The following MYPN variants were observed in gnomAD, a reference collection of about 807,000 sequenced individuals.
The protein encoded by MYPN is myopalladin.
In MYPN, 63 loss-of-function variants were observed where a neutral mutation model predicts 129.4. That is an observed-to-expected ratio of 0.49 (90% CI 0.40 to 0.60). MYPN has a LOEUF of 0.60. MYPN is among the 20% of genes least tolerant of loss of function. The pLI is 0.00. For synonymous variants in MYPN, 629 were observed against 600.9 expected (o/e 1.05, Z -0.68); for missense variants, 1,596 against 1,635.4 (o/e 0.98, Z 0.42).
Position 68,174,019 on chromosome 10 carries a change from A to G in MYPN, c.1974-47A>G, listed in dbSNP as rs779628819. 6 of 1,432,046 alleles carry G rather than the reference A, an allele frequency of 4.2e-6. No individual in the cohort carries two copies. In the East Asian group the frequency reaches 9.1e-5, roughly 22 times the overall value. The allele number at this position is 1,432,046 out of a possible 1,614,324, so 88.7% of individuals were successfully genotyped here. On this transcript the variant is annotated intron_variant, in intron 10 of 19. Transcript: ENST00000358913. ...GAACATTGTTTGAAAGGTGAGGCCA[A>G]TAATAACACATTTCCTTCTCTCTCT...
chr10:68,128,597 C>T (rs1382797858), intron 2 of MYPN, among the ~76,000 whole-genome samples: 1 of 152,144 alleles, frequency 6.6e-6, no homozygotes, highest in Non-Finnish European at 1.5e-5. Context: ...AGCCAAATTC[C>T]CTGCCTTCAT....
chr10:68,173,963 C>T (rs1454216022), intron 10 of MYPN, 103 bp from the exon 11 acceptor site: 28 of 987,002 alleles, frequency 2.8e-5, no homozygotes, highest in African/African-American at 4.8e-5. Flanking sequence ...CACCATGCCC[C>T]GCCTATCATC....
intron 2 of MYPN, among the ~76,000 whole-genome samples, chr10:68,127,296 T>G (rs2042340414): frequency 6.7e-6 from 1 of 148,172 alleles, no homozygotes; most frequent in Non-Finnish European, 1.5e-5. Context: ...TGAGCTACCA[T>G]GCCCAGCCTG....
chr10:68,100,027 C>T (rs945895123), intron 1 of MYPN, among the ~76,000 whole-genome samples: 1 of 152,138 alleles, frequency 6.6e-6, no homozygotes, highest in Non-Finnish European at 1.5e-5. Context: ...CTTCAGTTTC[C>T]TCCTCTATAA....
At chr10:68,171,505 T>C (rs2043144559) in intron 10 of MYPN, among the ~76,000 whole-genome samples, 1 of 152,214 alleles carries the variant, frequency 6.6e-6, no homozygotes, top group Admixed American at 6.5e-5. Flanking sequence ...ACCTGTGTTT[T>C]AACAGGCCCT....
chr10:68,198,246 T>C (rs775850118), intron 16 of MYPN, among the ~76,000 whole-genome samples: 1 of 152,194 alleles, frequency 6.6e-6, no homozygotes, highest in Non-Finnish European at 1.5e-5. Flanking sequence ...TTGAAGTGAA[T>C]TGTTGAATGT....
intron 10 of MYPN, among the ~76,000 whole-genome samples, chr10:68,173,552 GTTCT>G (rs1564679866): frequency 2.0e-5 from 3 of 151,892 alleles, no homozygotes; most frequent in Non-Finnish European, 2.9e-5. Flanking sequence ...CTGGTTGTGT[GTTCT>G]TTATCAACAT....
chr10:68,210,160 G>C, intron 19 of MYPN, 126 bp from the exon 20 acceptor site: 1 of 1,054,352 alleles, frequency 9.5e-7, no homozygotes, highest in Non-Finnish European at 1.4e-6. Flanking sequence ...TTCAGACCCA[G>C]GTATAGTTAT....
chr10:68,119,390 TTTA>T (rs1564645882), intron 1 of MYPN, among the ~76,000 whole-genome samples: 3 of 55,630 alleles, frequency 5.4e-5, no homozygotes, highest in African/African-American at 3.2e-4. Context: ...TTTTATTTTA[TTTA>T]TTTATTTATT....
At chr10:68,169,572 G>A (rs61192599) in intron 10 of MYPN, among the ~76,000 whole-genome samples, 9,497 of 152,000 alleles carry the variant, frequency 0.062, 1,016 homozygotes, top group African/African-American at 0.22. Context: ...GCTGTGATGT[G>A]GGTTCCATGG....
chr10:68,104,156 A>G (rs2041995848), upstream of MYPN, among the ~76,000 whole-genome samples: 2 of 152,200 alleles, frequency 1.3e-5, no homozygotes, highest in African/African-American at 4.8e-5. Flanking sequence ...CTTGTAAGAA[A>G]TGTTAGTTCC....
intron 3 of MYPN, among the ~76,000 whole-genome samples, chr10:68,144,701 G>A (rs1432431759): frequency 6.6e-6 from 1 of 151,960 alleles, no homozygotes; most frequent in Non-Finnish European, 1.5e-5. Flanking sequence ...AATGAAGTAT[G>A]ACTTGTTAAT....
chr10:68,167,677 A>T (rs978139540), intron 10 of MYPN, among the ~76,000 whole-genome samples: 2 of 152,358 alleles, frequency 1.3e-5, no homozygotes, highest in South Asian at 4.1e-4. Flanking sequence ...TCACCATGAG[A>T]TGTTCACTAG....
At chr10:68,140,628 G>C (rs1478735813) in intron 2 of MYPN, among the ~76,000 whole-genome samples, 3 of 152,028 alleles carry the variant, frequency 2.0e-5, no homozygotes, top group Non-Finnish European at 4.4e-5. Context: ...ATTTGTAGTA[G>C]CTGAAAGGCA....
chr10:68,199,475 G>C lies in MYPN; in HGVS notation c.3393G>C (p.Leu1131=). 1 of 1,614,156 alleles carries C rather than the reference G, an allele frequency of 6.2e-7. No homozygotes were observed. Among genetic ancestry groups the C allele is most frequent in the Non-Finnish European group, 8.5e-7 (1 of 1,180,026 alleles). Reference sequence around the variant, plus strand: ...TCAGGGAGACCGGAGTCCACTCTCTGCTCATTGACCCACTCACTCAGCGCG... The same window carrying C: ...TCAGGGAGACCGGAGTCCACTCTCTCCTCATTGACCCACTCACTCAGCGCG... ...MLVRETGVHS[L]LIDPLTQRDA... The change falls in exon 17 of 20, where the codon CTG becomes CTC. Residue 1131 remains leucine, a synonymous_variant. Transcript: ENST00000358913.
chr10:68,149,713 C>A (rs2042733643), intron 5 of MYPN, among the ~76,000 whole-genome samples: 2 of 152,026 alleles, frequency 1.3e-5, no homozygotes, highest in South Asian at 4.2e-4. Flanking sequence ...AGTTCTAATC[C>A]ATTGGTTTTC....
intron 19 of MYPN, among the ~76,000 whole-genome samples, chr10:68,208,937 A>T (rs2043861213): frequency 6.6e-6 from 1 of 152,184 alleles, no homozygotes. Flanking sequence ...GGGAGGAGAG[A>T]CTGCGCAAGA....
At chr10:68,202,455 C>T (rs951076422) in intron 18 of MYPN, among the ~76,000 whole-genome samples, 1 of 150,486 alleles carries the variant, frequency 6.6e-6, no homozygotes, top group South Asian at 2.1e-4. Context: ...AAAAAAAGTA[C>T]AAGGAATTTA....
chr10:68,113,494 G>A (rs562262692), intron 1 of MYPN, among the ~76,000 whole-genome samples: 2 of 152,136 alleles, frequency 1.3e-5, no homozygotes, highest in South Asian at 4.2e-4. Flanking sequence ...CCAGGAGTTG[G>A]AGACCAGCCT....
Sources: gnomAD v4.1 joint callset for allele counts (sites outside exome capture counted in the v4.1 genomes callset) on GRCh38, gnomAD v4.1.1 for gene constraint, MANE v1.5 for transcripts, NCBI Gene and HGNC (gene_info 2026-07-23, HGNC 2026-07-21) for gene names.